CCDC3: variants seen among roughly 807,000 people sequenced by gnomAD.
The protein encoded by CCDC3 is coiled-coil domain-containing protein 3.
A neutral mutation model predicts 21.4 loss-of-function variants in CCDC3; 24 were observed. That is an observed-to-expected ratio of 1.12 (90% CI 0.81 to 1.58). CCDC3 has a LOEUF of 1.58. CCDC3 is among the 40% of genes most tolerant of loss of function. The pLI is 0.00. For synonymous variants in CCDC3, 186 were observed against 166.0 expected, an observed-to-expected ratio of 1.12 and a Z score of -0.93; for missense variants, 425 against 360.9, an observed-to-expected ratio of 1.18 and a Z score of -1.44.
At position 13,044,850 on chromosome 10, in the gene CCDC3, A is replaced by G. The variant is rs183755355; in HGVS notation, c.-2+4824T>C. Among the ~76,000 whole-genome samples, 759 of 152,364 alleles carry G rather than the reference A, an allele frequency of 5.0e-3. 2 individuals carry two copies. Among genetic ancestry groups the G allele is most frequent in the Middle Eastern group, 0.014 (4 of 294 alleles). On this transcript the variant is annotated intron_variant, in intron 5 of 6. Coordinates refer to the CCDC3 transcript ENST00000378839. ...AAAATGACATTGGCAGTTTAATAGAAATAGTGTTGAATCTGTAGATTGCTT... is the reference window on the plus strand; with the variant it reads ...AAAATGACATTGGCAGTTTAATAGAGATAGTGTTGAATCTGTAGATTGCTT...
chr10:12,923,801 C>T (rs989045599), intron 2 of CCDC3, among the ~76,000 whole-genome samples: 1 of 152,216 alleles, frequency 6.6e-6, no homozygotes, highest in Non-Finnish European at 1.5e-5. Flanking sequence ...ATCACTTACA[C>T]TTTACAAGTC....
intron 2 of CCDC3, among the ~76,000 whole-genome samples, chr10:12,904,327 G>A (rs972672870): frequency 6.6e-6 from 1 of 151,714 alleles, no homozygotes. Flanking sequence ...AAAATAGCCC[G>A]GCATAGTGGT....
intron 2 of CCDC3, among the ~76,000 whole-genome samples, chr10:12,934,416 G>A (rs959298982): frequency 1.1e-4 from 16 of 152,160 alleles, no homozygotes; most frequent in African/African-American, 3.9e-4. Context: ...AAGAATATGT[G>A]GCCTGCTGTT....
intron 4 of CCDC3, among the ~76,000 whole-genome samples, chr10:13,054,566 G>A: frequency 6.6e-6 from 1 of 152,130 alleles, no homozygotes; most frequent in East Asian, 1.9e-4. Flanking sequence ...GGTGTCAAAA[G>A]AAAAAGAAAG....
chr10:12,960,665 G>C (rs775237003), intron 2 of CCDC3, among the ~76,000 whole-genome samples: 1 of 152,188 alleles, frequency 6.6e-6, no homozygotes. Context: ...GCAGTCGGGA[G>C]AGGCGAGAAA....
chr10:12,919,037 C>A (rs1834404649), intron 2 of CCDC3, among the ~76,000 whole-genome samples: 1 of 152,046 alleles, frequency 6.6e-6, no homozygotes, highest in Non-Finnish European at 1.5e-5. Flanking sequence ...GCCTGGGTGA[C>A]AGAGCAAGAC....
At position 12,999,545 on chromosome 10, in the gene CCDC3, A is replaced by G. The variant is rs79022197; in HGVS notation, c.375-1033T>C. ...CAGTTTCATCTCAGTGGGTCCCAGAATAACAGAGAAGGAATGATTTGTGTG... is the reference window on the plus strand; with the variant it reads ...CAGTTTCATCTCAGTGGGTCCCAGAGTAACAGAGAAGGAATGATTTGTGTG... On this transcript the variant is annotated intron_variant, in intron 1 of 2. Transcript: ENST00000378825. 6.3e-3 allele frequency among the ~76,000 whole-genome samples: 960 copies of G among 152,308 alleles called. 7 individuals are homozygous for G. The highest frequency in any genetic ancestry group is 0.022 in the African/African-American group (901 of 41,564).
chr10:13,040,777 G>T (rs1332542804), intron 5 of CCDC3, among the ~76,000 whole-genome samples: 2 of 151,208 alleles, frequency 1.3e-5, no homozygotes, highest in Non-Finnish European at 2.9e-5. Context: ...TAAATTCCAG[G>T]TTACTAAACT....
At position 12,897,566 on chromosome 10, in the gene CCDC3, C is replaced by G. The variant is rs921894625; in HGVS notation, c.*850G>C. On this transcript the variant is annotated 3_prime_UTR_variant, in exon 3 of 3. Coordinates refer to ENST00000378825, the MANE Select transcript of CCDC3 (RefSeq NM_031455.4). ...AGAAGTTCACAGCGTCTTGGAGCAC[C>G]TCACTTTGAGTTCAGAGACATTAGA... 3.3e-5 allele frequency: 5 copies of G among 152,176 alleles called. No individual in the cohort carries two copies. Among genetic ancestry groups the G allele is most frequent in the African/African-American group, 4.8e-5 (2 of 41,426 alleles). 9.4% of individuals were successfully genotyped at this position (152,176 alleles called of 1,614,324 possible).
intron 2 of CCDC3, among the ~76,000 whole-genome samples, chr10:12,916,364 G>A (rs143819881): frequency 4.6e-5 from 7 of 151,378 alleles, no homozygotes; most frequent in Middle Eastern, 3.5e-3. Flanking sequence ...CCTGGGAGGC[G>A]GAGGTTGAGC....
chr10:12,914,306 A>G (rs1437875332), intron 2 of CCDC3, among the ~76,000 whole-genome samples: 1 of 152,188 alleles, frequency 6.6e-6, no homozygotes, highest in East Asian at 1.9e-4. Flanking sequence ...TAATCATAGT[A>G]GGTTGTATGT....
chr10:13,075,415 T>C (rs7098306), intron 3 of CCDC3, among the ~76,000 whole-genome samples: 113,316 of 151,936 alleles, frequency 0.75, 42,585 homozygotes, highest in Middle Eastern at 0.83. Context: ...CACACAGATA[T>C]TCCTATTTTC....
chr10:12,929,989 T>A (rs1834614715), intron 2 of CCDC3, among the ~76,000 whole-genome samples: 1 of 152,170 alleles, frequency 6.6e-6, no homozygotes, highest in Admixed American at 6.5e-5. Context: ...GCCATTGAAA[T>A]TTTTTTATGA....
chr10:12,954,542 T>TC lies in CCDC3; in HGVS notation c.549+43795dup, dbSNP rs560285438. On this transcript the variant is annotated intron_variant, in intron 2 of 2. Transcript: ENST00000378825. ...ACTTCTGGTAGGGGCTCAGGAAGCT[T>TC]CCACTCATGGTGGAAGGTGAAGGGA... 4.1e-3 allele frequency among the ~76,000 whole-genome samples: 625 copies of TC among 152,272 alleles called. 6 individuals carry two copies. The highest frequency in any genetic ancestry group is 6.0e-3 in the Non-Finnish European group (409 of 68,008).
chr10:13,059,918 C>G (rs1224412360), intron 4 of CCDC3, among the ~76,000 whole-genome samples: 1 of 152,064 alleles, frequency 6.6e-6, no homozygotes, highest in African/African-American at 2.4e-5. Flanking sequence ...GAAACCCCCT[C>G]TCTACTAAAA....
intron 2 of CCDC3, among the ~76,000 whole-genome samples, chr10:12,921,502 G>T (rs181399882): frequency 6.6e-6 from 1 of 152,302 alleles, no homozygotes; most frequent in African/African-American, 2.4e-5. Flanking sequence ...TCTCTGACCA[G>T]TGCAAAAGCC....
intron 3 of CCDC3, among the ~76,000 whole-genome samples, chr10:13,092,903 C>T (rs1007518958): frequency 5.3e-5 from 8 of 151,982 alleles, no homozygotes; most frequent in African/African-American, 1.5e-4. Context: ...CCCGCAAAGC[C>T]GAAAAGGGTC....
intron 5 of CCDC3, among the ~76,000 whole-genome samples, chr10:13,046,554 A>T (rs1437968572): frequency 6.6e-6 from 1 of 151,892 alleles, no homozygotes; most frequent in Non-Finnish European, 1.5e-5. Flanking sequence ...AATACAAAAA[A>T]AAATTAGCCA....
chr10:13,053,011 A>C, intron 4 of CCDC3, among the ~76,000 whole-genome samples: 1 of 148,614 alleles, frequency 6.7e-6, no homozygotes, highest in Non-Finnish European at 1.5e-5. Flanking sequence ...TAGAAGTTCC[A>C]ATGTTTTTTT....
Sources: gnomAD v4.1 joint callset for allele counts (sites outside exome capture counted in the v4.1 genomes callset) on GRCh38, gnomAD v4.1.1 for gene constraint, MANE v1.5 for transcripts, NCBI Gene and HGNC (gene_info 2026-07-23, HGNC 2026-07-21) for gene names.